NRXN1: variants seen among roughly 807,000 people sequenced by gnomAD.
NRXN1 encodes neurexin 1, also known as neurexin-1.
In NRXN1, 39 loss-of-function variants were observed where a neutral mutation model predicts 150.9. That is an observed-to-expected ratio of 0.26 (90% CI 0.20 to 0.34). NRXN1 has a LOEUF of 0.34. NRXN1 is among the 10% of genes least tolerant of loss of function. The probability of loss-of-function intolerance (pLI) is 1.00; values close to 1 mark genes in which losing one functional copy is unlikely to be tolerated. For synonymous variants in NRXN1, 924 were observed against 757.0 expected, an observed-to-expected ratio of 1.22 and a Z score of -3.62; for missense variants, 1,815 against 1,949.9, an observed-to-expected ratio of 0.93 and a Z score of 1.30.
intron 17 of NRXN1, among the ~76,000 whole-genome samples, chr2:50,398,141 T>C (rs1043460755): frequency 6.6e-6 from 1 of 152,116 alleles, no homozygotes; most frequent in African/African-American, 2.4e-5. Context: ...CCCTTTTAAG[T>C]GGGGATGATT....
intron 5 of NRXN1, among the ~76,000 whole-genome samples, chr2:50,867,241 A>T (rs551984345): frequency 9.3e-4 from 141 of 152,018 alleles, no homozygotes; most frequent in African/African-American, 3.3e-3. Context: ...GTGACAGGGC[A>T]AAAACACTGA....
intron 21 of NRXN1, among the ~76,000 whole-genome samples, chr2:50,021,837 T>C (rs1209863830): frequency 2.0e-5 from 3 of 152,232 alleles, no homozygotes; most frequent in South Asian, 2.1e-4. Context: ...CTACAACATA[T>C]ATGTTAATGG....
intron 2 of NRXN1, among the ~76,000 whole-genome samples, chr2:51,014,545 T>C (rs1482240774): frequency 1.3e-5 from 2 of 152,056 alleles, no homozygotes; most frequent in African/African-American, 4.8e-5. Context: ...CATTAGCTTA[T>C]ACAGACTTCT....
At chr2:50,212,614 T>C (rs1363997830) in intron 18 of NRXN1, among the ~76,000 whole-genome samples, 1 of 151,848 alleles carries the variant, frequency 6.6e-6, no homozygotes, top group Non-Finnish European at 1.5e-5. Context: ...TAAAAGAAGT[T>C]GAAGGTGGTT....
chr2:50,915,738 G>A (rs867012049), intron 5 of NRXN1, among the ~76,000 whole-genome samples: 3 of 151,198 alleles, frequency 2.0e-5, no homozygotes, highest in Admixed American at 1.3e-4. Flanking sequence ...CAGATCAATC[G>A]TTTTAAAATC....
intron 21 of NRXN1, among the ~76,000 whole-genome samples, chr2:50,036,970 G>A (rs1488830210): frequency 2.0e-5 from 3 of 152,140 alleles, no homozygotes; most frequent in Admixed American, 6.6e-5. Context: ...CCAAATGGCA[G>A]AACCACAGAA....
At chr2:50,791,594 G>C (rs1706057389) in intron 5 of NRXN1, among the ~76,000 whole-genome samples, 1 of 152,114 alleles carries the variant, frequency 6.6e-6, no homozygotes, top group Non-Finnish European at 1.5e-5. Context: ...GGAGATCACA[G>C]AAGACTTTGC....
chr2:50,359,444 G>C (rs920674547), intron 17 of NRXN1, among the ~76,000 whole-genome samples: 1 of 151,426 alleles, frequency 6.6e-6, no homozygotes, highest in Non-Finnish European at 1.5e-5. Flanking sequence ...CACAGAGCAC[G>C]AGAACTTCGT....
At chr2:50,048,657 T>G (rs1332765747) in intron 21 of NRXN1, among the ~76,000 whole-genome samples, 2 of 152,152 alleles carry the variant, frequency 1.3e-5, no homozygotes, top group East Asian at 3.9e-4. Flanking sequence ...AATTGGGTTC[T>G]TTTTCAGAAA....
At chr2:50,494,027 G>A (rs2091417587) in intron 15 of NRXN1, among the ~76,000 whole-genome samples, 1 of 152,128 alleles carries the variant, frequency 6.6e-6, no homozygotes, top group African/African-American at 2.4e-5. Flanking sequence ...AGGTGTGTAA[G>A]TACCCCCACC....
At position 50,544,625 on chromosome 2, in the gene NRXN1, GA is replaced by G. The variant is rs2093456548; in HGVS notation, c.1760-5990del. ...GTCTGGTATTGGCAAGAATAAGGGG[GA>G]AAGGGCACTTCAATAACTGTAGATA... On this transcript the variant is annotated intron_variant, in intron 9 of 22. Transcript: ENST00000401669. 7.2e-5 allele frequency among the ~76,000 whole-genome samples: 11 copies of G among 152,204 alleles called. No individual in the cohort carries two copies. In the South Asian group the frequency reaches 2.3e-3, roughly 32 times the overall value.
intron 5 of NRXN1, among the ~76,000 whole-genome samples, chr2:50,635,283 A>C (rs1226347700): frequency 4.7e-5 from 7 of 149,568 alleles, no homozygotes; most frequent in Non-Finnish European, 1.0e-4. Flanking sequence ...TCAGCCTCCC[A>C]AGTAGCTGGG....
chr2:50,140,702 T>G (rs1390482669), intron 18 of NRXN1, among the ~76,000 whole-genome samples: 2 of 152,052 alleles, frequency 1.3e-5, no homozygotes, highest in Non-Finnish European at 2.9e-5. Flanking sequence ...ATGTTGATGT[T>G]TATGTGAAAC....
chr2:50,378,402 T>C (rs2080688851), intron 17 of NRXN1, among the ~76,000 whole-genome samples: 1 of 152,152 alleles, frequency 6.6e-6, no homozygotes, highest in Non-Finnish European at 1.5e-5. Flanking sequence ...CACAATAGCT[T>C]AGCCTAGCTT....
rs145968402 is a variant in NRXN1 at position 50,722,347 on chromosome 2, G to T, written c.833-98732C>A. Among the ~76,000 whole-genome samples, 17 of 152,144 alleles carry T rather than the reference G, an allele frequency of 1.1e-4. No individual in the cohort carries two copies. In the East Asian group the frequency reaches 3.1e-3, roughly 28 times the overall value. On this transcript the variant is annotated intron_variant, in intron 5 of 22. Transcript: ENST00000401669. Reference sequence around the variant, plus strand: ...CAGCACTATGAGCAGAGTACTAAGAGATCATAAAGGAAGAAGTAATAGCAA... The same window carrying T: ...CAGCACTATGAGCAGAGTACTAAGATATCATAAAGGAAGAAGTAATAGCAA...
rs71404978 is a variant in NRXN1 at position 50,865,658 on chromosome 2, G to GTTTTTTTTTTTTTT, written c.832+56197_832+56210dup. ...AGTAATTCCCAGTAAGCATTTGAAA[G>GTTTTTTTTTTTTTT]TTTTTTTTTTTTTTTTTTTTTTTTT... On this transcript the variant is annotated intron_variant, in intron 5 of 22. Coordinates refer to ENST00000401669, the MANE Select transcript of NRXN1 (RefSeq NM_001330078.2). Among the ~76,000 whole-genome samples, 213 of 41,858 alleles carry GTTTTTTTTTTTTTT rather than the reference G, an allele frequency of 5.1e-3. 55 individuals carry two copies. Among genetic ancestry groups the GTTTTTTTTTTTTTT allele is most frequent in the African/African-American group, 6.5e-3 (58 of 8,862 alleles). 27.5% of individuals were successfully genotyped at this position (41,858 alleles called of 152,430 possible). A position where few individuals can be genotyped will look rare whatever the true frequency, so the allele number is the denominator to read the frequency against.
At chr2:50,961,502 A>G (rs1267783471) in intron 2 of NRXN1, among the ~76,000 whole-genome samples, 1 of 151,896 alleles carries the variant, frequency 6.6e-6, no homozygotes, top group Non-Finnish European at 1.5e-5. Context: ...CTTCCACAAC[A>G]ACAACAACAA....
At chr2:51,002,286 G>A (rs1036723825) in intron 2 of NRXN1, among the ~76,000 whole-genome samples, 8 of 152,048 alleles carry the variant, frequency 5.3e-5, no homozygotes, top group African/African-American at 1.9e-4. Flanking sequence ...TTTCCTAAGT[G>A]TTCTCTGACA....
At chr2:50,764,020 C>CA (rs1367437050) in intron 5 of NRXN1, among the ~76,000 whole-genome samples, 1 of 146,702 alleles carries the variant, frequency 6.8e-6, no homozygotes, top group Non-Finnish European at 1.5e-5. Context: ...ATCCGTTGGC[C>CA]CTTTTTTTTT....
Sources: allele counts gnomAD v4.1 joint callset (sites outside exome capture counted in the v4.1 genomes callset), GRCh38; gene constraint gnomAD v4.1.1; transcripts MANE v1.5; gene names NCBI Gene and HGNC (gene_info 2026-07-23, HGNC 2026-07-21).